The following LZIC variants were observed in gnomAD, a reference collection of about 807,000 sequenced individuals.
LZIC encodes protein LZIC.
In LZIC, 28 loss-of-function variants were observed where a neutral mutation model predicts 25.4. That is an observed-to-expected ratio of 1.10 (90% CI 0.82 to 1.51). The LOEUF (loss-of-function observed/expected upper bound fraction) is 1.51, where lower values mean the gene tolerates loss of function less well. LZIC is among the 40% of genes most tolerant of loss of function. The pLI is 0.00. For missense variants in LZIC, 170 were observed against 211.1 expected (o/e 0.81, Z 1.21); for synonymous variants, 65 against 70.7 (o/e 0.92, Z 0.40).
At chr1:9,936,021 C>G (rs1640437996) in intron 3 of LZIC, among the ~76,000 whole-genome samples, 1 of 151,504 alleles carries the variant, frequency 6.6e-6, no homozygotes, top group Middle Eastern at 3.4e-3. Flanking sequence ...CCCAGCTACT[C>G]GGGAGGCTGA....
chr1:9,923,519 T>A (rs979595677), downstream of LZIC, among the ~76,000 whole-genome samples: 118 of 5,390 alleles, frequency 0.022, 2 homozygotes, highest in African/African-American at 0.023. Flanking sequence ...CCAATGCTTC[T>A]TTTTTTTTTT....
chr1:9,941,930 T>G (rs1303963521), intron 2 of LZIC, among the ~76,000 whole-genome samples: 1 of 152,084 alleles, frequency 6.6e-6, no homozygotes, highest in African/African-American at 2.4e-5. Context: ...TTTAAAATTT[T>G]TTTTGAGACG....
chr1:9,931,841 A>G, intron 7 of LZIC, 50 bp downstream of exon 7: 9 of 1,218,526 alleles, frequency 7.4e-6, no homozygotes, highest in Non-Finnish European at 1.1e-5. Flanking sequence ...TTTGTATGTA[A>G]TATATGACAG....
chr1:9,937,847 CAAAAAAAAAAAA>C (rs34452687), intron 2 of LZIC, among the ~76,000 whole-genome samples: 11 of 52,736 alleles, frequency 2.1e-4, no homozygotes, highest in Admixed American at 5.7e-4. Flanking sequence ...GACCCTGACT[CAAAAAAAAAAAA>C]AAAAAAAAAA....
At chr1:9,924,260 C>T (rs760996443), downstream of LZIC, among the ~76,000 whole-genome samples, 2 of 152,142 alleles carry the variant, frequency 1.3e-5, no homozygotes, top group African/African-American at 2.4e-5. Context: ...ACAGGGATGC[C>T]GCTATATATC....
Position 9,930,003 on chromosome 1 carries a change from C to T in LZIC, c.*396G>A, listed in dbSNP as rs947661146. On this transcript the variant is annotated 3_prime_UTR_variant, in exon 8 of 8. Coordinates refer to ENST00000377223, the MANE Select transcript of LZIC (RefSeq NM_032368.5). Reference sequence around the variant, plus strand: ...ACACTTATGAAGTCTATTGAGCTTGCGTCACTGTTCACTCCAATGAGTGGG... The same window carrying T: ...ACACTTATGAAGTCTATTGAGCTTGTGTCACTGTTCACTCCAATGAGTGGG... 6 of 994,800 alleles carry T rather than the reference C, an allele frequency of 6.0e-6. No homozygotes were observed. The highest frequency in any genetic ancestry group is 3.5e-5 in the African/African-American group (2 of 57,630). The allele number at this position is 994,800 out of a possible 1,614,324, so 61.6% of individuals were successfully genotyped here.
At chr1:9,922,215 G>C (rs1639883544), downstream of LZIC, 7 of 839,592 alleles carry the variant, frequency 8.3e-6, no homozygotes, top group Non-Finnish European at 8.6e-6. Flanking sequence ...CTTTAACTTG[G>C]GTTCATCCTT....
chr1:9,936,728 C>T, intron 2 of LZIC, 101 bp from the exon 3 acceptor site: 1 of 770,504 alleles, frequency 1.3e-6, no homozygotes, highest in Non-Finnish European at 2.1e-6. Flanking sequence ...CTATGTTGCC[C>T]AGGCTGGTCT....
chr1:9,924,555 C>T (rs1422771374), downstream of LZIC, among the ~76,000 whole-genome samples: 3 of 152,042 alleles, frequency 2.0e-5, no homozygotes, highest in Non-Finnish European at 2.9e-5. Context: ...GGGGTTTCAC[C>T]GTGTTAGCCA....
At chr1:9,932,012 G>A (rs1293082975) in intron 6 of LZIC, 40 bp from the exon 7 acceptor site, 3 of 1,400,590 alleles carry the variant, frequency 2.1e-6, no homozygotes, top group South Asian at 1.2e-5. Flanking sequence ...GTGGGTAAAT[G>A]TTACAGGTGG....
intron 6 of LZIC, among the ~76,000 whole-genome samples, chr1:9,932,370 G>A (rs1177542680): frequency 2.0e-5 from 3 of 148,676 alleles, no homozygotes; most frequent in African/African-American, 7.4e-5. Flanking sequence ...AAGGTAGAGG[G>A]GAGGGCCGGG....
Position 9,934,782 on chromosome 1 carries a change from G to T in LZIC, c.316C>A (p.Leu106Ile). The change falls in exon 5 of 8, where the codon CTT becomes ATT. Residue 106 changes from leucine to isoleucine, a missense_variant. By Grantham distance (5) the Leu-to-Ile change is conservative. Coordinates refer to ENST00000377223, the MANE Select transcript of LZIC (RefSeq NM_032368.5). Reference sequence around the variant, plus strand: ...TTTACCTCTGCTAACCTTGTCCGAAGCTGACCTGGTTGTTTCTTTGCAAAC... The same window carrying T: ...TTTACCTCTGCTAACCTTGTCCGAATCTGACCTGGTTGTTTCTTTGCAAAC... ...RLFAKKQPGQ[L>I]RTRLAEMDRD... 6.2e-7 allele frequency: 1 copy of T among 1,614,042 alleles called. No homozygotes were observed. Among genetic ancestry groups the T allele is most frequent in the Non-Finnish European group, 8.5e-7 (1 of 1,179,928 alleles).
downstream of LZIC, among the ~76,000 whole-genome samples, chr1:9,923,644 G>T (rs1465653649): frequency 4.1e-5 from 6 of 145,872 alleles, no homozygotes; most frequent in Admixed American, 2.1e-4. Context: ...TAGAATTTTT[G>T]AAATGCATAT....
At position 9,935,628 on chromosome 1, in the gene LZIC, C is replaced by T. The variant is rs1640421327; in HGVS notation, c.102-1G>A. 4 of 1,595,476 alleles carry T rather than the reference C, an allele frequency of 2.5e-6. No individual in the cohort carries two copies. Among genetic ancestry groups the T allele is most frequent in the Non-Finnish European group, 3.4e-6 (4 of 1,175,224 alleles). ...ATATTCATCTGTATCAAGTTCCTCT[C>T]TGAAATAGGTGAACATCATGATATG... On this transcript the variant is annotated splice_acceptor_variant, in intron 3 of 7. Transcript: ENST00000377223. LOFTEE classifies it high-confidence loss of function.
chr1:9,938,755 TCTC>T (rs1377622783), intron 2 of LZIC, among the ~76,000 whole-genome samples: 2 of 152,168 alleles, frequency 1.3e-5, no homozygotes, highest in African/African-American at 4.8e-5. Flanking sequence ...AAATCTATCT[TCTC>T]CTTTAAATCT....
chr1:9,938,018 G>T (rs957352734), intron 2 of LZIC, among the ~76,000 whole-genome samples: 1 of 151,732 alleles, frequency 6.6e-6, no homozygotes, highest in African/African-American at 2.4e-5. Context: ...TTCATTATTG[G>T]TCTATCTTAC....
At chr1:9,937,254 G>A (rs1163441640) in intron 2 of LZIC, among the ~76,000 whole-genome samples, 2 of 152,120 alleles carry the variant, frequency 1.3e-5, no homozygotes, top group Admixed American at 6.6e-5. Context: ...TTAGGCAGGC[G>A]TGGTGGCAGG....
In LZIC at chr1:9,931,882, G is replaced by C; in HGVS notation, c.514+9C>G. 6.3e-7 allele frequency: 1 copy of C among 1,597,914 alleles called. No individual in the cohort carries two copies. The highest frequency in any genetic ancestry group is 1.7e-4 in the Middle Eastern group (1 of 6,024). On this transcript the variant is annotated intron_variant, in intron 7 of 7. Coordinates refer to ENST00000377223, the MANE Select transcript of LZIC (RefSeq NM_032368.5). ...TACGACCAGCTTTCAGAAATATGAGGGCACTCACCAAGGTCTGTAGAGACT... is the reference window on the plus strand; with the variant it reads ...TACGACCAGCTTTCAGAAATATGAGCGCACTCACCAAGGTCTGTAGAGACT...
chr1:9,928,436 A>G lies in LZIC; in HGVS notation c.*1963T>C, dbSNP rs1289969515. ...TTTGTACACAAATGTTCACTGAAGC[A>G]TTATTCACAATAGCCAAAAGAAGGA... On this transcript the variant is annotated 3_prime_UTR_variant, in exon 8 of 8. Transcript: ENST00000377223. Among the ~76,000 whole-genome samples, 1 of 152,246 alleles carries G rather than the reference A, an allele frequency of 6.6e-6. No homozygotes were observed. The highest frequency in any genetic ancestry group is 1.5e-5 in the Non-Finnish European group (1 of 68,048).
Sources: gnomAD v4.1 joint callset for allele counts (sites outside exome capture counted in the v4.1 genomes callset) on GRCh38, gnomAD v4.1.1 for gene constraint, MANE v1.5 for transcripts, NCBI Gene and HGNC (gene_info 2026-07-23, HGNC 2026-07-21) for gene names.